ZNF385D: variants seen among roughly 807,000 people sequenced by gnomAD.
ZNF385D encodes zinc finger protein 385D.
A neutral mutation model predicts 35.8 loss-of-function variants in ZNF385D; 15 were observed. The ratio of observed to expected loss-of-function variants is 0.42; its 90% CI spans 0.28 to 0.64. The LOEUF (loss-of-function observed/expected upper bound fraction) is 0.64. ZNF385D is among the 30% of genes least tolerant of loss of function. The pLI is 0.23. For synonymous variants in ZNF385D, 212 were observed against 186.8 expected (o/e 1.13, Z -1.10); for missense variants, 474 against 494.6 (o/e 0.96, Z 0.39).
chr3:22,316,232 TC>T, intron 2 of ZNF385D, among the ~76,000 whole-genome samples: 1 of 152,244 alleles, frequency 6.6e-6, no homozygotes. Flanking sequence ...AACCAAATTT[TC>T]CATAAAAAAC....
At chr3:22,360,058 C>T (rs766255453) in intron 2 of ZNF385D, among the ~76,000 whole-genome samples, 1 of 151,834 alleles carries the variant, frequency 6.6e-6, no homozygotes, top group Non-Finnish European at 1.5e-5. Context: ...ATTATTAAAG[C>T]TGTAGGCACT....
At chr3:21,479,743 T>A (rs1196114329) in intron 4 of ZNF385D, among the ~76,000 whole-genome samples, 2 of 152,170 alleles carry the variant, frequency 1.3e-5, no homozygotes, top group African/African-American at 4.8e-5. Flanking sequence ...CCTGCCTCTA[T>A]AATTTGCTTC....
intron 3 of ZNF385D, among the ~76,000 whole-genome samples, chr3:21,870,270 G>A (rs532296555): frequency 1.3e-5 from 2 of 152,254 alleles, no homozygotes; most frequent in East Asian, 1.9e-4. Flanking sequence ...AAACATCCAG[G>A]CATTCAAGGC....
intron 2 of ZNF385D, among the ~76,000 whole-genome samples, chr3:21,610,474 C>T: frequency 6.6e-6 from 1 of 152,072 alleles, no homozygotes. Context: ...TGGCTTAAAA[C>T]AATAGACATG....
chr3:21,563,861 T>G (rs1442221230), intron 3 of ZNF385D, among the ~76,000 whole-genome samples: 1 of 151,972 alleles, frequency 6.6e-6, no homozygotes, highest in Non-Finnish European at 1.5e-5. Context: ...AGACATACAT[T>G]TTTTTTTCCC....
chr3:21,510,752 G>T, intron 4 of ZNF385D, 109 bp downstream of exon 4: 1 of 1,385,604 alleles, frequency 7.2e-7, no homozygotes, highest in Non-Finnish European at 1.0e-6. Flanking sequence ...GATGGCTCAA[G>T]CATGAATCAA....
At chr3:21,621,649 A>G (rs1458551739) in intron 2 of ZNF385D, among the ~76,000 whole-genome samples, 1 of 147,420 alleles carries the variant, frequency 6.8e-6, no homozygotes, top group Non-Finnish European at 1.5e-5. Flanking sequence ...TTCCATGAGA[A>G]ATGTCCACTT....
intron 3 of ZNF385D, among the ~76,000 whole-genome samples, chr3:22,019,594 C>G (rs541857160): frequency 4.1e-4 from 62 of 151,958 alleles, no homozygotes; most frequent in Non-Finnish European, 6.3e-4. Context: ...TTATTTGTGT[C>G]TGAATTCCTA....
At chr3:21,981,195 A>C (rs994663226) in intron 3 of ZNF385D, among the ~76,000 whole-genome samples, 2 of 152,142 alleles carry the variant, frequency 1.3e-5, no homozygotes, top group African/African-American at 4.8e-5. Flanking sequence ...CAGTGTATAA[A>C]TGTTCCCATT....
At chr3:21,504,498 CT>C (rs1205035222) in intron 4 of ZNF385D, among the ~76,000 whole-genome samples, 1 of 152,122 alleles carries the variant, frequency 6.6e-6, no homozygotes, top group Non-Finnish European at 1.5e-5. Flanking sequence ...GACTTACTAT[CT>C]TTTATATAAA....
intron 1 of ZNF385D, among the ~76,000 whole-genome samples, chr3:21,688,633 A>G (rs952556731): frequency 1.3e-5 from 2 of 152,202 alleles, no homozygotes; most frequent in Admixed American, 1.3e-4. Context: ...ATGGATATCC[A>G]ATAAACTGTC....
upstream of ZNF385D, among the ~76,000 whole-genome samples, chr3:21,755,562 C>T (rs1239323379): frequency 1.3e-5 from 2 of 152,182 alleles, no homozygotes; most frequent in African/African-American, 4.8e-5. Flanking sequence ...CTTCTGAGAA[C>T]ATTTTTCTCA....
At chr3:21,561,155 T>C (rs1370914216) in intron 3 of ZNF385D, among the ~76,000 whole-genome samples, 2 of 152,184 alleles carry the variant, frequency 1.3e-5, no homozygotes, top group East Asian at 3.9e-4. Flanking sequence ...GAGTGAATGG[T>C]TCTGTCTTGC....
At chr3:21,611,663 T>C (rs1364461573) in intron 2 of ZNF385D, among the ~76,000 whole-genome samples, 1 of 152,172 alleles carries the variant, frequency 6.6e-6, no homozygotes, top group Non-Finnish European at 1.5e-5. Context: ...AATGAAGATG[T>C]TGTAAACTAA....
chr3:22,103,420 A>T (rs1702044063), intron 3 of ZNF385D, among the ~76,000 whole-genome samples: 1 of 152,176 alleles, frequency 6.6e-6, no homozygotes, highest in Middle Eastern at 3.4e-3. Flanking sequence ...CATGCTACTC[A>T]AGTCCTCCAT....
rs113069185 is a variant in ZNF385D at position 22,354,035 on chromosome 3, C to CTT, written c.106+18413_106+18414dup. The stretch of plus-strand genomic sequence containing the variant: ...CCTTGCCTTTTTCTTGCATTATCTT[C>CTT]TTTTTTTTGGTTGGCCAGACCATAG... On this transcript the variant is annotated intron_variant, in intron 2 of 5. Coordinates refer to the ZNF385D transcript ENST00000494108. Among the ~76,000 whole-genome samples, 494 of 151,942 alleles carry CTT rather than the reference C, an allele frequency of 3.3e-3. 1 individual carries two copies. The highest frequency in any genetic ancestry group is 0.011 in the African/African-American group (447 of 41,444).
intron 3 of ZNF385D, among the ~76,000 whole-genome samples, chr3:21,526,292 T>C (rs945754400): frequency 6.6e-5 from 10 of 152,172 alleles, no homozygotes; most frequent in African/African-American, 2.4e-4. Context: ...GCAGGGCTGG[T>C]CCTGCACACA....
chr3:21,929,769 T>A (rs1475598288), intron 3 of ZNF385D, among the ~76,000 whole-genome samples: 1 of 152,004 alleles, frequency 6.6e-6, no homozygotes, highest in South Asian at 2.1e-4. Flanking sequence ...ATTTTTGTAC[T>A]GAAAACTACA....
chr3:21,553,670 T>C (rs1293690096), intron 3 of ZNF385D, among the ~76,000 whole-genome samples: 1 of 152,180 alleles, frequency 6.6e-6, no homozygotes, highest in Non-Finnish European at 1.5e-5. Flanking sequence ...TTATACACAC[T>C]AGTACTGCTT....
Sources: gnomAD v4.1 joint callset for allele counts (sites outside exome capture counted in the v4.1 genomes callset) on GRCh38, gnomAD v4.1.1 for gene constraint, MANE v1.5 for transcripts, NCBI Gene and HGNC (gene_info 2026-07-23, HGNC 2026-07-21) for gene names.